The following ATG7 variants were observed in gnomAD, a reference collection of about 807,000 sequenced individuals.
The protein encoded by ATG7 is ubiquitin-like modifier-activating enzyme ATG7.
ATG7 carries 70 observed loss-of-function variants against 82.4 expected under a neutral mutation model. The ratio of observed to expected loss-of-function variants is 0.85; its 90% CI spans 0.70 to 1.04. ATG7 has a LOEUF of 1.04. Ranked by LOEUF, ATG7 falls within the 50% of genes least tolerant of loss-of-function variation. The pLI is 0.00. For synonymous variants in ATG7, 287 were observed against 313.0 expected (o/e 0.92, Z 0.88); for missense variants, 792 against 864.3 (o/e 0.92, Z 1.05).
intron 19 of ATG7, among the ~76,000 whole-genome samples, chr3:11,405,384 A>G (rs190671453): frequency 9.9e-5 from 15 of 152,274 alleles, no homozygotes; most frequent in Admixed American, 4.6e-4. Context: ...CGATGAGAAT[A>G]GGAGAAGTTG....
chr3:11,474,434 T>C (rs2087894723), intron 20 of ATG7, among the ~76,000 whole-genome samples: 1 of 152,128 alleles, frequency 6.6e-6, no homozygotes, highest in Non-Finnish European at 1.5e-5. Flanking sequence ...ACTCTGGCTC[T>C]ACAAAAAATA....
intron 20 of ATG7, among the ~76,000 whole-genome samples, chr3:11,472,989 C>G (rs866013489): frequency 6.6e-6 from 1 of 152,124 alleles, no homozygotes; most frequent in South Asian, 2.1e-4. Flanking sequence ...AGCATACTTT[C>G]CTTTCACTTT....
At chr3:11,424,841 C>G (rs1180332854) in intron 19 of ATG7, among the ~76,000 whole-genome samples, 1 of 152,108 alleles carries the variant, frequency 6.6e-6, no homozygotes, top group East Asian at 1.9e-4. Flanking sequence ...TCTCCTCCTT[C>G]CACTCTTTTT....
At chr3:11,451,311 A>T in intron 20 of ATG7, among the ~76,000 whole-genome samples, 1 of 151,780 alleles carries the variant, frequency 6.6e-6, no homozygotes, top group Non-Finnish European at 1.5e-5. Context: ...TCCTGGGTAC[A>T]AGTGATTCTC....
intron 20 of ATG7, among the ~76,000 whole-genome samples, chr3:11,450,741 G>T (rs1267945852): frequency 6.6e-6 from 1 of 152,156 alleles, no homozygotes; most frequent in Non-Finnish European, 1.5e-5. Context: ...CATGGGCCCT[G>T]CTACCGTTTG....
intron 20 of ATG7, among the ~76,000 whole-genome samples, chr3:11,492,528 C>T (rs539198337): frequency 2.6e-5 from 4 of 152,064 alleles, no homozygotes; most frequent in African/African-American, 7.2e-5. Context: ...CTGAGGGACT[C>T]GTGACAGGGG....
chr3:11,453,263 C>T (rs552901736), intron 20 of ATG7, among the ~76,000 whole-genome samples: 83 of 152,334 alleles, frequency 5.4e-4, no homozygotes, highest in African/African-American at 2.0e-3. Context: ...TGTGGAAAGG[C>T]CTGTCCCCAA....
At chr3:11,378,784 G>A (rs1477536263) in intron 18 of ATG7, among the ~76,000 whole-genome samples, 1 of 150,934 alleles carries the variant, frequency 6.6e-6, no homozygotes. Context: ...CACTGTTACA[G>A]TGTGAGCATC....
At chr3:11,494,970 G>T (rs575970158) in intron 20 of ATG7, among the ~76,000 whole-genome samples, 232 of 152,288 alleles carry the variant, frequency 1.5e-3, no homozygotes, top group African/African-American at 5.2e-3. Flanking sequence ...TACTCGGGAG[G>T]CTGAGGCAGG....
intron 20 of ATG7, among the ~76,000 whole-genome samples, chr3:11,452,414 T>C (rs888492443): frequency 1.0e-4 from 11 of 109,016 alleles, no homozygotes; most frequent in South Asian, 6.0e-4. Context: ...AAAAAGGAAA[T>C]GTTCTGGAAT....
intron 20 of ATG7, among the ~76,000 whole-genome samples, chr3:11,440,674 CTT>C (rs72177700): frequency 0.031 from 1,198 of 39,274 alleles, no homozygotes; most frequent in Middle Eastern, 0.067. Flanking sequence ...TCCCCATTTG[CTT>C]TTTTTTTTTT....
intron 14 of ATG7, among the ~76,000 whole-genome samples, chr3:11,354,758 G>A (rs913490074): frequency 2.0e-5 from 3 of 151,882 alleles, no homozygotes; most frequent in African/African-American, 7.3e-5. Flanking sequence ...AGTGGATACT[G>A]GACTAGCTCT....
intron 20 of ATG7, among the ~76,000 whole-genome samples, chr3:11,444,172 T>G (rs2084294353): frequency 1.3e-5 from 2 of 152,208 alleles, no homozygotes; most frequent in African/African-American, 4.8e-5. Flanking sequence ...TGCTATGTAG[T>G]GTTTCATAAT....
intron 20 of ATG7, among the ~76,000 whole-genome samples, chr3:11,505,936 A>G (rs1185400446): frequency 6.6e-6 from 1 of 152,224 alleles, no homozygotes. Context: ...CATGATTAGT[A>G]AAGTCACTAA....
intron 3 of ATG7, among the ~76,000 whole-genome samples, chr3:11,284,869 C>T (rs1180836223): frequency 5.2e-5 from 7 of 135,550 alleles, no homozygotes; most frequent in East Asian, 2.1e-4. Context: ...TTTTTTGAGA[C>T]GGAGTCTTGC....
chr3:11,467,740 ATT>A (rs1013926612), intron 20 of ATG7, among the ~76,000 whole-genome samples: 4 of 151,904 alleles, frequency 2.6e-5, no homozygotes, highest in African/African-American at 9.7e-5. Context: ...ATTATTATTT[ATT>A]TGTGTTCTGT....
chr3:11,551,477 A>T (rs1388791191), intron 20 of ATG7, among the ~76,000 whole-genome samples: 5 of 152,242 alleles, frequency 3.3e-5, no homozygotes, highest in African/African-American at 1.2e-4. Flanking sequence ...ACGTCTTTCC[A>T]GGAGAGATTC....
intron 13 of ATG7, among the ~76,000 whole-genome samples, chr3:11,347,616 A>G (rs1954757951): frequency 6.6e-6 from 1 of 152,218 alleles, no homozygotes; most frequent in Non-Finnish European, 1.5e-5. Flanking sequence ...CACTGTCAAA[A>G]ATAATTATTA....
At chr3:11,501,561 TA>T (rs774597234) in intron 20 of ATG7, among the ~76,000 whole-genome samples, 75 of 152,096 alleles carry the variant, frequency 4.9e-4, no homozygotes, top group Middle Eastern at 3.2e-3. Flanking sequence ...ATAGGTGTGA[TA>T]ATGTTATTAT....
Sources: allele counts gnomAD v4.1 joint callset (sites outside exome capture counted in the v4.1 genomes callset), GRCh38; gene constraint gnomAD v4.1.1; transcripts MANE v1.5; gene names NCBI Gene and HGNC (gene_info 2026-07-23, HGNC 2026-07-21).